The following LRP1B variants were observed in gnomAD, a reference collection of about 807,000 sequenced individuals.
The protein encoded by LRP1B is LDL receptor related protein 1B.
LRP1B carries 217 observed loss-of-function variants against 556.6 expected under a neutral mutation model. The observed-to-expected ratio is 0.39, with a 90% CI of 0.35 to 0.44. The LOEUF is 0.44. Among genes scored for constraint, LRP1B ranks in the 20% least tolerant of loss-of-function variants. The pLI, the probability that LRP1B is intolerant of heterozygous loss-of-function variation, is 1.00. For synonymous variants in LRP1B, 2,047 were observed against 1,865.8 expected (o/e 1.10, Z -2.50); for missense variants, 5,053 against 5,620.8 (o/e 0.90, Z 3.23).
intron 79 of LRP1B, among the ~76,000 whole-genome samples, chr2:140,330,199 C>CAAT (rs70985089): frequency 0.092 from 12,690 of 137,730 alleles, 654 homozygotes; most frequent in Admixed American, 0.16. Context: ...GACTCTGTCT[C>CAAT]AATAATAATA....
intron 3 of LRP1B, among the ~76,000 whole-genome samples, chr2:141,389,006 G>A (rs10171262): frequency 0.026 from 3,983 of 152,126 alleles, 173 homozygotes; most frequent in African/African-American, 0.091. Context: ...TAAATAAATG[G>A]AATCATATCC....
chr2:142,061,748 T>C (rs1454308193), intron 1 of LRP1B, among the ~76,000 whole-genome samples: 1 of 152,004 alleles, frequency 6.6e-6, no homozygotes, highest in Non-Finnish European at 1.5e-5. Flanking sequence ...TCATATGCAT[T>C]TAATGGTAGA....
chr2:142,096,239 C>T (rs181229554), intron 1 of LRP1B, among the ~76,000 whole-genome samples: 1 of 151,700 alleles, frequency 6.6e-6, no homozygotes, highest in Admixed American at 6.6e-5. Context: ...AGAATCCAGC[C>T]TCCTTGTTCT....
chr2:140,283,351 T>TATTAATAAAGTTTAATAA (rs1383076269), intron 84 of LRP1B, among the ~76,000 whole-genome samples: 5 of 151,744 alleles, frequency 3.3e-5, no homozygotes, highest in African/African-American at 1.2e-4. Context: ...TTTAATAAAG[T>TATTAATAAAGTTTAATAA]AGGCAAACAT....
At chr2:140,480,829 G>A (rs1304883170) in intron 59 of LRP1B, among the ~76,000 whole-genome samples, 1 of 152,096 alleles carries the variant, frequency 6.6e-6, no homozygotes, top group African/African-American at 2.4e-5. Context: ...GATCTAGGCA[G>A]CTTTCTTCAT....
At chr2:140,509,805 T>C in intron 52 of LRP1B, 123 bp downstream of exon 52, 1 of 1,341,360 alleles carries the variant, frequency 7.5e-7, no homozygotes, top group East Asian at 2.3e-5. Flanking sequence ...AGTCCAATAC[T>C]ACCTATGGGC....
intron 7 of LRP1B, among the ~76,000 whole-genome samples, chr2:141,098,598 C>T (rs1422860483): frequency 2.0e-5 from 3 of 152,120 alleles, no homozygotes. Flanking sequence ...GTTCAGTGGT[C>T]TATGATGATT....
chr2:140,901,543 T>C (rs1383550625), intron 23 of LRP1B, among the ~76,000 whole-genome samples: 1 of 152,186 alleles, frequency 6.6e-6, no homozygotes, highest in Non-Finnish European at 1.5e-5. Flanking sequence ...ATCCATCACC[T>C]CAAGCATTTA....
At chr2:141,538,310 T>G (rs1685132485) in intron 2 of LRP1B, among the ~76,000 whole-genome samples, 1 of 152,154 alleles carries the variant, frequency 6.6e-6, no homozygotes, top group African/African-American at 2.4e-5. Flanking sequence ...ATCTTTATTA[T>G]TACTATGTGA....
At chr2:140,529,683 T>G (rs1690602353) in intron 47 of LRP1B, among the ~76,000 whole-genome samples, 1 of 152,034 alleles carries the variant, frequency 6.6e-6, no homozygotes, top group Non-Finnish European at 1.5e-5. Flanking sequence ...GGATCAGAAC[T>G]GCTAGTTCCC....
At chr2:142,019,965 CCT>C (rs1365076615) in intron 1 of LRP1B, among the ~76,000 whole-genome samples, 8 of 152,090 alleles carry the variant, frequency 5.3e-5, no homozygotes, top group Non-Finnish European at 7.4e-5. Context: ...ATTACTTCCC[CCT>C]GTTTTATTTT....
intron 41 of LRP1B, among the ~76,000 whole-genome samples, chr2:140,664,024 C>G (rs78770024): frequency 0.1 from 15,829 of 152,028 alleles, 959 homozygotes; most frequent in East Asian, 0.25. Context: ...GGCTGGTGGA[C>G]CAATAAGAAC....
At chr2:142,013,387 G>A (rs905387664) in intron 1 of LRP1B, among the ~76,000 whole-genome samples, 5 of 152,258 alleles carry the variant, frequency 3.3e-5, no homozygotes, top group African/African-American at 9.6e-5. Context: ...GAACAGGTTG[G>A]CACTTTCTTT....
rs1360850051 is a variant in LRP1B at position 141,550,493 on chromosome 2, A to T, written c.206-69960T>A. 3.3e-5 allele frequency among the ~76,000 whole-genome samples: 5 copies of T among 152,172 alleles called. No individual in the cohort carries two copies. The East Asian group carries it at 9.6e-4, about 29-fold the overall frequency. On this transcript the variant is annotated intron_variant, in intron 2 of 90. Coordinates refer to ENST00000389484, the MANE Select transcript of LRP1B (RefSeq NM_018557.3). ...ATTTTTGAATGTCTCACAATAACTT[A>T]TAGAGAGTGCTTCTCAAAAAGTACT...
intron 2 of LRP1B, among the ~76,000 whole-genome samples, chr2:141,672,457 G>A (rs1214352147): frequency 1.3e-5 from 2 of 152,156 alleles, no homozygotes; most frequent in African/African-American, 2.4e-5. Context: ...AGTCTTCAGA[G>A]CTCCTTCCTG....
intron 3 of LRP1B, among the ~76,000 whole-genome samples, chr2:141,337,580 G>A (rs1396760911): frequency 6.6e-6 from 1 of 152,110 alleles, no homozygotes; most frequent in African/African-American, 2.4e-5. Context: ...AAAATTCAAT[G>A]TATTTAGTTT....
intron 1 of LRP1B, among the ~76,000 whole-genome samples, chr2:141,833,817 C>T (rs1266967181): frequency 6.8e-6 from 1 of 146,348 alleles, no homozygotes; most frequent in African/African-American, 2.7e-5. Context: ...ATGAGGGCAC[C>T]CTTCCTTTCT....
intron 3 of LRP1B, among the ~76,000 whole-genome samples, chr2:141,342,330 A>G (rs1688097691): frequency 6.6e-6 from 1 of 151,754 alleles, no homozygotes; most frequent in African/African-American, 2.4e-5. Flanking sequence ...TCATTCTGTC[A>G]CTGGCCTACA....
At chr2:141,746,909 C>G (rs1374802371) in intron 2 of LRP1B, among the ~76,000 whole-genome samples, 1 of 152,046 alleles carries the variant, frequency 6.6e-6, no homozygotes, top group Non-Finnish European at 1.5e-5. Flanking sequence ...TCCCTCAATG[C>G]TTGCAAATAA....
Sources: allele counts gnomAD v4.1 joint callset (sites outside exome capture counted in the v4.1 genomes callset), GRCh38; gene constraint gnomAD v4.1.1; transcripts MANE v1.5; gene names NCBI Gene and HGNC (gene_info 2026-07-23, HGNC 2026-07-21).